HNRNPF: variants seen among roughly 807,000 people sequenced by gnomAD.
HNRNPF encodes HnRNP F protein.
Under a neutral mutation model 26.0 loss-of-function variants are expected in HNRNPF, and 2 were observed. The observed-to-expected ratio is 0.08, with a 90% CI of 0.03 to 0.24. The LOEUF is 0.24. HNRNPF is among the 10% of genes least tolerant of loss of function. HNRNPF has a pLI of 1.00. For missense variants in HNRNPF, 299 were observed against 539.2 expected (o/e 0.55, Z 4.41); for synonymous variants, 234 against 211.5 (o/e 1.11, Z -0.92).
At chr10:43,395,805 G>T (rs376622682) in intron 2 of HNRNPF, among the ~76,000 whole-genome samples, 2 of 152,178 alleles carry the variant, frequency 1.3e-5, no homozygotes, top group Non-Finnish European at 2.9e-5. Context: ...CGTCTCTGGG[G>T]ACATGCACAA....
intron 2 of HNRNPF, among the ~76,000 whole-genome samples, chr10:43,395,883 G>C (rs1018080884): frequency 2.6e-5 from 4 of 152,138 alleles, no homozygotes; most frequent in African/African-American, 9.7e-5. Context: ...TGTAGACCAC[G>C]GCCACTGCGC....
At chr10:43,397,188 G>A (rs1182222419) in intron 1 of HNRNPF, 1 of 152,032 alleles carries the variant, frequency 6.6e-6, no homozygotes, top group Non-Finnish European at 1.5e-5. Flanking sequence ...GGCTCACCAC[G>A]CCAGGGACTG....
intron 1 of HNRNPF, among the ~76,000 whole-genome samples, chr10:43,406,952 A>C (rs1380927449): frequency 2.0e-5 from 3 of 152,228 alleles, no homozygotes; most frequent in Admixed American, 6.5e-5. Context: ...AAATTCTGTG[A>C]GAGCAACGAG....
At chr10:43,405,789 T>C (rs1289752305) in intron 1 of HNRNPF, among the ~76,000 whole-genome samples, 3 of 152,236 alleles carry the variant, frequency 2.0e-5, no homozygotes, top group Non-Finnish European at 4.4e-5. Context: ...GATTTATTTA[T>C]TAATAAAGAC....
At chr10:43,404,057 G>A (rs1026362782) in intron 1 of HNRNPF, among the ~76,000 whole-genome samples, 1 of 152,010 alleles carries the variant, frequency 6.6e-6, no homozygotes, top group Non-Finnish European at 1.5e-5. Context: ...AGCACTTTGG[G>A]AGGCCAAGGC....
intron 1 of HNRNPF, among the ~76,000 whole-genome samples, chr10:43,402,098 C>T (rs890818624): frequency 2.0e-5 from 3 of 151,848 alleles, no homozygotes; most frequent in Non-Finnish European, 4.4e-5. Context: ...AAAAGAGCAA[C>T]TTCAGATACC....
chr10:43,397,477 G>C (rs984869396), intron 1 of HNRNPF: 1 of 150,604 alleles, frequency 6.6e-6, no homozygotes, highest in African/African-American at 2.5e-5. Flanking sequence ...GCGACCTGGG[G>C]AAAGTCCAGA....
At chr10:43,392,019 T>C (rs1024422057) in intron 3 of HNRNPF, among the ~76,000 whole-genome samples, 3 of 151,676 alleles carry the variant, frequency 2.0e-5, no homozygotes, top group African/African-American at 4.8e-5. Flanking sequence ...TCAAGGAGGG[T>C]GGATAACCGG....
chr10:43,389,415 GGTAAGT>G (rs1028743590), intron 3 of HNRNPF, among the ~76,000 whole-genome samples: 6 of 152,198 alleles, frequency 3.9e-5, no homozygotes, highest in African/African-American at 1.4e-4. Context: ...AAAAAGTAAA[GGTAAGT>G]GTAATTTAAG....
At chr10:43,388,064 GTC>G (rs1461454616) in intron 3 of HNRNPF, 128 bp from the exon 4 acceptor site, 9 of 570,404 alleles carry the variant, frequency 1.6e-5, no homozygotes, top group Non-Finnish European at 2.1e-5. Context: ...TTAACTCCAG[GTC>G]TCTCAAAAAA....
intron 1 of HNRNPF, chr10:43,407,713 A>G (rs1425204913): frequency 6.6e-6 from 1 of 152,096 alleles, no homozygotes; most frequent in Non-Finnish European, 1.5e-5. Context: ...TACAAACACG[A>G]TACCTCTAGG....
At chr10:43,398,096 T>C (rs10732897) in intron 1 of HNRNPF, among the ~76,000 whole-genome samples, 81,732 of 151,918 alleles carry the variant, frequency 0.54, 24,314 homozygotes, top group African/African-American at 0.81. Context: ...GGCATGATCT[T>C]GGCTCACTGC....
At chr10:43,408,954 C>T (rs753490364) in intron 1 of HNRNPF, 177 bp downstream of exon 1, 1 of 152,412 alleles carries the variant, frequency 6.6e-6, no homozygotes, top group African/African-American at 2.4e-5. Context: ...GCCCGTCGAG[C>T]GCACGCGGCT....
chr10:43,407,263 G>A (rs1483428995), intron 1 of HNRNPF, among the ~76,000 whole-genome samples: 2 of 151,406 alleles, frequency 1.3e-5, no homozygotes, highest in Non-Finnish European at 1.5e-5. Context: ...GCGCGCAGCC[G>A]CCAGCGCGCG....
chr10:43,395,616 T>C lies in HNRNPF; in HGVS notation c.-112+840A>G, dbSNP rs147574162. 1.5e-3 allele frequency among the ~76,000 whole-genome samples: 223 copies of C among 152,302 alleles called. 4 individuals carry two copies. The East Asian group carries it at 0.035, about 24-fold the overall frequency. The stretch of plus-strand genomic sequence containing the variant: ...GGTGTACAAATGGAAAGCATTACAT[T>C]TATTAGGAAACCTATTCAGGGGTGA... On this transcript the variant is annotated intron_variant, in intron 2 of 3. Coordinates refer to ENST00000682386, the MANE Select transcript of HNRNPF (RefSeq NM_001098204.2).
At chr10:43,403,785 G>T (rs867799427) in intron 1 of HNRNPF, among the ~76,000 whole-genome samples, 9 of 151,834 alleles carry the variant, frequency 5.9e-5, no homozygotes, top group Admixed American at 1.3e-4. Context: ...GATCACTTGA[G>T]CTCAGGAGAC....
intron 3 of HNRNPF, among the ~76,000 whole-genome samples, chr10:43,394,265 T>C (rs1379993041): frequency 6.6e-6 from 1 of 152,204 alleles, no homozygotes; most frequent in Non-Finnish European, 1.5e-5. Context: ...AAACATTTCA[T>C]AGAAGAATTA....
At chr10:43,396,127 A>T (rs779716827) in intron 2 of HNRNPF, among the ~76,000 whole-genome samples, 9 of 152,018 alleles carry the variant, frequency 5.9e-5, no homozygotes, top group Non-Finnish European at 1.3e-4. Context: ...TCGCAGTGAT[A>T]CAGGTTGGAC....
In HNRNPF at chr10:43,387,997, G is replaced by A; in HGVS notation, c.-52-61C>T. 1.2e-6 allele frequency: 1 copy of A among 822,086 alleles called. No homozygotes were observed. Among genetic ancestry groups the A allele is most frequent in the Non-Finnish European group, 1.9e-6 (1 of 529,988 alleles). 50.9% of individuals were successfully genotyped at this position (822,086 alleles called of 1,614,324 possible). A position where few individuals can be genotyped will look rare whatever the true frequency, so the allele number is the denominator to read the frequency against. Reference sequence around the variant, plus strand: ...CAACAGAAATTTTCCCCATTTTACAGACGAGAGAGGTAGCAAGACATTAAG... The same window carrying A: ...CAACAGAAATTTTCCCCATTTTACAAACGAGAGAGGTAGCAAGACATTAAG... On this transcript the variant is annotated intron_variant, in intron 3 of 3. Coordinates refer to ENST00000682386, the MANE Select transcript of HNRNPF (RefSeq NM_001098204.2). This position sits in a 1 kb window ranked among gnomAD's most constrained non-coding sequence, Gnocchi z 6.0.
Sources: allele counts gnomAD v4.1 joint callset (sites outside exome capture counted in the v4.1 genomes callset), GRCh38; gene constraint gnomAD v4.1.1; non-coding constraint Gnocchi (gnomAD v3.1); transcripts MANE v1.5; gene names NCBI Gene and HGNC (gene_info 2026-07-23, HGNC 2026-07-21).